Variants in ADH7 observed in about 807,000 individuals in gnomAD.
The protein encoded by ADH7 is alcohol dehydrogenase 7 (class IV), mu or sigma polypeptide.
A neutral mutation model predicts 34.4 loss-of-function variants in ADH7; 41 were observed. That is an observed-to-expected ratio of 1.19 (90% CI 0.93 to 1.55). The LOEUF (loss-of-function observed/expected upper bound fraction) is 1.55. Among genes scored for constraint, ADH7 ranks in the 40% most tolerant of loss-of-function variants. ADH7 has a pLI of 0.00. For missense variants in ADH7, 540 were observed against 461.2 expected (o/e 1.17, Z -1.56); for synonymous variants, 180 against 160.9 (o/e 1.12, Z -0.90).
Position 99,415,515 on chromosome 4 carries a change from T to C in ADH7, c.1063A>G (p.Ile355Val), listed in dbSNP as rs1385786745. 6.2e-7 allele frequency: 1 copy of C among 1,613,098 alleles called. No individual in the cohort carries two copies. The highest frequency in any genetic ancestry group is 8.5e-7 in the Non-Finnish European group (1 of 1,179,456). Residue 355 changes from isoleucine to valine, a missense_variant, in exon 8 of 9, where the codon ATC becomes GTC. By Grantham distance (29) the Ile-to-Val change is conservative. Transcript: ENST00000437033. ...LITHVLPFKK[I>V]SEGFELLNSG... ...TTGAGCAGCTCAAATCCTTCACTGA[T>C]TTTTTTAAATGGTAAAACATGAGTT...
chr4:99,420,932 T>G (rs1721643743), intron 5 of ADH7, 139 bp from the exon 6 acceptor site: 2 of 759,246 alleles, frequency 2.6e-6, no homozygotes, highest in African/African-American at 3.5e-5. Context: ...TATCTAGGAA[T>G]ACAACTTACA....
At position 99,420,664 on chromosome 4, in the gene ADH7, C is replaced by T. The variant is rs753955549; in HGVS notation, c.694G>A (p.Ala232Thr). The change falls in exon 6 of 9, where the codon GCC (alanine) becomes ACC (threonine). Residue 232 changes from alanine (A) to threonine (T), a missense_variant. Coordinates refer to ENST00000437033, the MANE Select transcript of ADH7 (RefSeq NM_000673.7). ...CACTCAGTGGCACCTACAGCCATGG[C>T]CTTCTCAAATTTGTCTTTGTTGAGG... The part of the protein sequence containing the change: ...IDLNKDKFEK[A>T]MAVGATECIS... 10 of 1,613,912 alleles carry T rather than the reference C, an allele frequency of 6.2e-6. No homozygotes were observed. The highest frequency in any genetic ancestry group is 3.3e-5 in the Admixed American group (2 of 59,950).
intron 1 of ADH7, among the ~76,000 whole-genome samples, chr4:99,431,508 G>T (rs1296913721): frequency 6.6e-6 from 1 of 152,140 alleles, no homozygotes; most frequent in Non-Finnish European, 1.5e-5. Context: ...CACAGCAAGA[G>T]AAACTATCAA....
intron 7 of ADH7, among the ~76,000 whole-genome samples, chr4:99,418,468 C>T (rs1162454337): frequency 6.6e-6 from 1 of 152,122 alleles, no homozygotes; most frequent in Non-Finnish European, 1.5e-5. Context: ...CTACCTTGAG[C>T]AGAGTGGCCC....
At chr4:99,425,495 A>C (rs1447258867) in intron 5 of ADH7, among the ~76,000 whole-genome samples, 1 of 152,226 alleles carries the variant, frequency 6.6e-6, no homozygotes, top group Admixed American at 6.5e-5. Flanking sequence ...GGATCAATTC[A>C]ACAAGAAGAG....
chr4:99,435,176 T>C, intron 1 of ADH7, 40 bp downstream of exon 1: 1 of 1,606,652 alleles, frequency 6.2e-7, no homozygotes, highest in Non-Finnish European at 8.5e-7. Flanking sequence ...CCTCACATCA[T>C]TAGGTCATGA....
intron 5 of ADH7, among the ~76,000 whole-genome samples, chr4:99,425,744 C>A (rs1384056409): frequency 6.6e-6 from 1 of 152,136 alleles, no homozygotes; most frequent in Non-Finnish European, 1.5e-5. Flanking sequence ...CAGCCCAAAT[C>A]AACAGAATAT....
chr4:99,428,539 G>A lies in ADH7; in HGVS notation c.212C>T (p.Thr71Ile). 6.2e-7 allele frequency: 1 copy of A among 1,613,888 alleles called. No individual in the cohort carries two copies. Among genetic ancestry groups the A allele is most frequent in the Non-Finnish European group, 8.5e-7 (1 of 1,179,894 alleles). ...KFPVIVGHEATGIVESIGEGV... is the reference protein window; with the variant it reads ...KFPVIVGHEAIGIVESIGEGV... ...TTCTCCAATGCTCTCTACAATCCCA[G>A]TTGCCTCATGTCCCACAATCACTGG... Residue 71 changes from threonine to isoleucine, a missense_variant, in exon 3 of 9, where the codon ACT (threonine) becomes ATT (isoleucine). Thr to Ile is a moderately conservative substitution (Grantham distance 89). Coordinates refer to ENST00000437033, the MANE Select transcript of ADH7 (RefSeq NM_000673.7).
chr4:99,418,397 A>G (rs375573856), intron 7 of ADH7, among the ~76,000 whole-genome samples: 7 of 152,134 alleles, frequency 4.6e-5, no homozygotes, highest in African/African-American at 1.7e-4. Context: ...ACAACTCTGT[A>G]TGAAGGCACT....
intron 2 of ADH7, 152 bp from the exon 3 acceptor site, chr4:99,428,782 A>G: frequency 9.9e-7 from 1 of 1,007,002 alleles, no homozygotes; most frequent in Non-Finnish European, 1.4e-6. Context: ...TGAGCCAAAA[A>G]TCAACCATCA....
Position 99,427,863 on chromosome 4 carries a change from A to C in ADH7, c.474T>G (p.Ala158=). 6.2e-7 allele frequency: 1 copy of C among 1,613,580 alleles called. No individual in the cohort carries two copies. Among genetic ancestry groups the C allele is most frequent in the Non-Finnish European group, 8.5e-7 (1 of 1,179,734 alleles). The change falls in exon 5 of 9, where the codon GCT becomes GCG. Residue 158 remains alanine (A), a synonymous_variant. Coordinates refer to ENST00000437033, the MANE Select transcript of ADH7 (RefSeq NM_000673.7). The part of the protein sequence containing the change: ...EYTVVDESSV[A]KIDDAAPPEK... ...CAGGAGGAGCTGCATCATCAATCTT[A>C]GCAACAGAAGATTCATCCACCACTG...
intron 1 of ADH7, among the ~76,000 whole-genome samples, chr4:99,434,507 A>C (rs561730672): frequency 2.6e-5 from 4 of 152,152 alleles, no homozygotes; most frequent in African/African-American, 7.2e-5. Context: ...AACAAACAAA[A>C]AAATTTAGTC....
At position 99,420,747 on chromosome 4, in the gene ADH7, C is replaced by T. The variant is rs372637703; in HGVS notation, c.611G>A (p.Gly204Asp). The T allele has an allele frequency of 2.1e-5, 34 of 1,613,744 alleles. No homozygotes were observed. The highest frequency in any genetic ancestry group is 2.7e-5 in the Non-Finnish European group (32 of 1,179,918). Residue 204 changes from glycine to aspartate, a missense_variant, in exon 6 of 9, where the codon GGC becomes GAC. By Grantham distance (94) the Gly-to-Asp change is moderately conservative (BLOSUM62 -1). Coordinates refer to ENST00000437033, the MANE Select transcript of ADH7 (RefSeq NM_000673.7). ...TCVVFGLGGV[G>D]LSVIMGCKSA... ...CTTACAGCCCATGATGACTGACAGGCCAACTCCTCCCAGGCCAAAGACGAC... is the reference window on the plus strand; with the variant it reads ...CTTACAGCCCATGATGACTGACAGGTCAACTCCTCCCAGGCCAAAGACGAC...
At chr4:99,416,700 C>T (rs945928420) in intron 7 of ADH7, among the ~76,000 whole-genome samples, 1 of 152,064 alleles carries the variant, frequency 6.6e-6, no homozygotes, top group Non-Finnish European at 1.5e-5. Flanking sequence ...TCGATATACT[C>T]CTCTTAAAAT....
At position 99,420,779 on chromosome 4, in the gene ADH7, G is replaced by A; in HGVS notation, c.579C>T (p.Ser193=). The part of the protein sequence containing the change: ...AVKTGKVKPG[S]TCVVFGLGGV... The stretch of plus-strand genomic sequence containing the variant: ...CTCCCAGGCCAAAGACGACGCAAGT[G>A]GAACCAGGTTTGACCTGTGGAGAGG... Residue 193 remains serine, a synonymous_variant, in exon 6 of 9, where the codon TCC becomes TCT. Transcript: ENST00000437033. The A allele has an allele frequency of 6.2e-7, 1 of 1,613,772 alleles. No homozygotes were observed. The highest frequency in any genetic ancestry group is 8.5e-7 in the Non-Finnish European group (1 of 1,179,866).
At chr4:99,432,099 A>G (rs1303297204) in intron 1 of ADH7, among the ~76,000 whole-genome samples, 1 of 152,228 alleles carries the variant, frequency 6.6e-6, no homozygotes, top group Non-Finnish European at 1.5e-5. Flanking sequence ...AGATAAAGAA[A>G]ATGTGGTACA....
In ADH7 at chr4:99,427,995, T is replaced by A; in HGVS notation, c.348-6A>T. 6.2e-7 allele frequency: 1 copy of A among 1,613,826 alleles called. No homozygotes were observed. Among genetic ancestry groups the A allele is most frequent in the Non-Finnish European group, 8.5e-7 (1 of 1,179,798 alleles). On this transcript the variant is annotated splice_region_variant and splice_polypyrimidine_tract_variant and intron_variant, in intron 4 of 8. Transcript: ENST00000437033. ...GTACTCCACGACCAGTAATACTGTT[T>A]GATACATCAAATACACGTATTAATT... is the stretch of plus-strand genomic sequence containing the variant.
chr4:99,427,031 C>T (rs1359344134), intron 5 of ADH7, among the ~76,000 whole-genome samples: 1 of 152,150 alleles, frequency 6.6e-6, no homozygotes, highest in Non-Finnish European at 1.5e-5. Context: ...TAAAAACTCT[C>T]AATAAACTAG....
Position 99,429,427 on chromosome 4 carries a change from C to T in ADH7, c.120+105G>A, listed in dbSNP as rs569658914. 19 of 738,010 alleles carry T rather than the reference C, an allele frequency of 2.6e-5. No homozygotes were observed. In the East Asian group the frequency reaches 2.7e-4, roughly 11 times the overall value. 45.7% of individuals were successfully genotyped at this position (738,010 alleles called of 1,614,324 possible). The stretch of plus-strand genomic sequence containing the variant: ...CCAGTAAAGGAATTAATACTCCAAA[C>T]ATGGGAAGCATCTCCTTATTTAAGA... On this transcript the variant is annotated intron_variant, in intron 2 of 8. Coordinates refer to ENST00000437033, the MANE Select transcript of ADH7 (RefSeq NM_000673.7).
Sources: gnomAD v4.1 joint callset for allele counts (sites outside exome capture counted in the v4.1 genomes callset) on GRCh38, gnomAD v4.1.1 for gene constraint, MANE v1.5 for transcripts, NCBI Gene and HGNC (gene_info 2026-07-23, HGNC 2026-07-21) for gene names.